Variants in PCBD2 observed in about 807,000 individuals in gnomAD.
PCBD2 encodes pterin-4 alpha-carbinolamine dehydratase 2.
A neutral mutation model predicts 16.4 loss-of-function variants in PCBD2; 12 were observed. The observed-to-expected ratio is 0.73, with a 90% CI of 0.47 to 1.19. PCBD2 has a LOEUF of 1.19. PCBD2 is among the 50% of genes most tolerant of loss of function. The probability of loss-of-function intolerance (pLI) is 0.00; values close to 1 mark genes in which losing one functional copy is unlikely to be tolerated. For missense variants in PCBD2, 138 were observed against 156.8 expected, an observed-to-expected ratio of 0.88 and a Z score of 0.64; for synonymous variants, 58 against 61.8, an observed-to-expected ratio of 0.94 and a Z score of 0.29.
At chr5:134,948,079 T>C (rs1751319207) in intron 2 of PCBD2, among the ~76,000 whole-genome samples, 1 of 151,898 alleles carries the variant, frequency 6.6e-6, no homozygotes, top group Non-Finnish European at 1.5e-5. Context: ...GGGCTTCTCT[T>C]GGGGTGGTTT....
chr5:134,936,233 C>T (rs1182585982), intron 2 of PCBD2, among the ~76,000 whole-genome samples: 1 of 152,200 alleles, frequency 6.6e-6, no homozygotes, highest in African/African-American at 2.4e-5. Flanking sequence ...GTGACCCTGG[C>T]TTGCTGTGCA....
intron 2 of PCBD2, among the ~76,000 whole-genome samples, chr5:134,937,558 C>T (rs1001002492): frequency 6.6e-6 from 1 of 152,248 alleles, no homozygotes; most frequent in Non-Finnish European, 1.5e-5. Flanking sequence ...ATCAGACTCA[C>T]ACAGCGGACA....
At chr5:134,936,403 G>A (rs983701773) in intron 2 of PCBD2, among the ~76,000 whole-genome samples, 12 of 152,206 alleles carry the variant, frequency 7.9e-5, no homozygotes, top group South Asian at 4.1e-4. Flanking sequence ...CGCACTGGAC[G>A]CTCCTTGAGG....
intron 2 of PCBD2, among the ~76,000 whole-genome samples, chr5:134,921,408 G>C (rs1044999283): frequency 1.3e-5 from 2 of 152,112 alleles, no homozygotes; most frequent in African/African-American, 2.4e-5. Context: ...TGAAGATCTG[G>C]TATGTGGTTG....
At chr5:134,916,700 T>A (rs1346766952) in intron 2 of PCBD2, among the ~76,000 whole-genome samples, 5 of 152,272 alleles carry the variant, frequency 3.3e-5, no homozygotes, top group Admixed American at 2.0e-4. Flanking sequence ...ATAGCTCAGA[T>A]GGATACAAAT....
At chr5:134,905,947 A>G (rs1750682638) in intron 1 of PCBD2, among the ~76,000 whole-genome samples, 1 of 152,236 alleles carries the variant, frequency 6.6e-6, no homozygotes, top group Non-Finnish European at 1.5e-5. Context: ...ATCTCGGCTC[A>G]CTGCAACCTC....
At chr5:134,953,622 C>T (rs1246986670) in intron 2 of PCBD2, among the ~76,000 whole-genome samples, 1 of 152,010 alleles carries the variant, frequency 6.6e-6, no homozygotes, top group Non-Finnish European at 1.5e-5. Flanking sequence ...TGGCGAAATC[C>T]TGTCTCTACT....
At chr5:134,932,358 T>C (rs940174825) in intron 2 of PCBD2, among the ~76,000 whole-genome samples, 8 of 151,788 alleles carry the variant, frequency 5.3e-5, no homozygotes, top group Non-Finnish European at 1.0e-4. Flanking sequence ...TTTTTTTTAT[T>C]TGAGTTGTAG....
intron 2 of PCBD2, among the ~76,000 whole-genome samples, chr5:134,939,608 G>A (rs1751201005): frequency 6.6e-6 from 1 of 152,158 alleles, no homozygotes; most frequent in Admixed American, 6.5e-5. Flanking sequence ...ATCTAAGGAA[G>A]GGACAGCCTT....
intron 2 of PCBD2, among the ~76,000 whole-genome samples, chr5:134,929,110 G>T (rs1751059784): frequency 6.6e-6 from 1 of 152,160 alleles, no homozygotes; most frequent in Non-Finnish European, 1.5e-5. Flanking sequence ...TATAGTGTGA[G>T]AAGAGAGGAT....
Position 134,952,194 on chromosome 5 carries a change from A to G in PCBD2, c.217-6846A>G, listed in dbSNP as rs74995519. Among the ~76,000 whole-genome samples the G allele has an allele frequency of 3.2e-3, 479 of 148,338 alleles. 8 individuals are homozygous for G. The East Asian group carries it at 0.039, about 12-fold the overall frequency. ...TTGTCTTATTCTTGACTTTAATGGG[A>G]ATTCTAGCATTTCCCTATAAAGAAT... On this transcript the variant is annotated intron_variant, in intron 2 of 3. Coordinates refer to ENST00000254908, the MANE Select transcript of PCBD2 (RefSeq NM_032151.5).
intron 2 of PCBD2, among the ~76,000 whole-genome samples, chr5:134,930,811 A>G (rs1196076096): frequency 2.0e-5 from 3 of 152,232 alleles, no homozygotes; most frequent in Non-Finnish European, 2.9e-5. Flanking sequence ...TTCGCTGGCT[A>G]TCCATTAGGC....
At chr5:134,910,622 C>G (rs889043895) in intron 2 of PCBD2, among the ~76,000 whole-genome samples, 156 bp downstream of exon 2, 36 of 152,208 alleles carry the variant, frequency 2.4e-4, no homozygotes, top group Non-Finnish European at 2.9e-5. Flanking sequence ...TCCTTGTTGA[C>G]AGTTGCTACC....
intron 2 of PCBD2, chr5:134,928,259 C>T (rs555774657): frequency 6.4e-5 from 25 of 388,098 alleles, no homozygotes; most frequent in African/African-American, 2.9e-4. Flanking sequence ...CAGGTGTGAG[C>T]GATATACTAG....
At chr5:134,930,922 T>C (rs1208076121) in intron 2 of PCBD2, among the ~76,000 whole-genome samples, 2 of 152,206 alleles carry the variant, frequency 1.3e-5, no homozygotes, top group Non-Finnish European at 2.9e-5. Context: ...TTTTTCTTTT[T>C]CTTTTTGTTT....
At chr5:134,924,198 A>G (rs1355774441) in intron 2 of PCBD2, 3 of 395,482 alleles carry the variant, frequency 7.6e-6, no homozygotes, top group East Asian at 7.2e-5. Context: ...GCCTTCTCCT[A>G]TTTATGGGGG....
At chr5:134,914,869 TGC>T (rs1356319730) in intron 2 of PCBD2, among the ~76,000 whole-genome samples, 1 of 152,100 alleles carries the variant, frequency 6.6e-6, no homozygotes, top group Non-Finnish European at 1.5e-5. Flanking sequence ...GATGGGGTTT[TGC>T]CATGTTGGCC....
intron 2 of PCBD2, among the ~76,000 whole-genome samples, chr5:134,945,348 G>A (rs1230018814): frequency 2.0e-5 from 3 of 152,140 alleles, no homozygotes; most frequent in Non-Finnish European, 4.4e-5. Flanking sequence ...TGATTGCTCC[G>A]TGGCAGAACA....
At chr5:134,933,051 G>T (rs1463016695) in intron 2 of PCBD2, among the ~76,000 whole-genome samples, 1 of 152,052 alleles carries the variant, frequency 6.6e-6, no homozygotes, top group Non-Finnish European at 1.5e-5. Flanking sequence ...AAACAGAAAA[G>T]TATAAAGAAG....
Sources: gnomAD v4.1 joint callset for allele counts (sites outside exome capture counted in the v4.1 genomes callset) on GRCh38, gnomAD v4.1.1 for gene constraint, MANE v1.5 for transcripts, NCBI Gene and HGNC (gene_info 2026-07-23, HGNC 2026-07-21) for gene names.